Variants in RPS29 observed in about 807,000 individuals in gnomAD.
RPS29 encodes small ribosomal subunit protein uS14.
For missense variants in RPS29, 60 were observed against 75.7 expected, an observed-to-expected ratio of 0.79 and a Z score of 0.77; for synonymous variants, 37 against 26.9, an observed-to-expected ratio of 1.37 and a Z score of -1.16.
downstream of RPS29, among the ~76,000 whole-genome samples, chr14:49,578,938 TAC>T (rs1881263260): frequency 3.9e-5 from 6 of 152,318 alleles, no homozygotes; most frequent in South Asian, 1.2e-3. Flanking sequence ...GAATCTCTCT[TAC>T]TAGCTATACA....
intron 1 of RPS29, 117 bp downstream of exon 1, chr14:49,586,168 C>T: frequency 7.2e-7 from 1 of 1,381,604 alleles, no homozygotes; most frequent in Non-Finnish European, 1.0e-6. Context: ...AATGGCGGCA[C>T]CAGCGACTCC....
exon 3 of RPS29, chr14:49,571,075 C>G (rs1377556209): frequency 6.6e-6 from 1 of 152,184 alleles, no homozygotes; most frequent in Non-Finnish European, 1.5e-5. Flanking sequence ...AGACTTCATT[C>G]TGTGCAGATG....
exon 3 of RPS29, chr14:49,574,442 G>A (rs377415135): frequency 2.6e-5 from 4 of 152,218 alleles, no homozygotes; most frequent in African/African-American, 4.8e-5. Flanking sequence ...GTCAGCTCCC[G>A]AATATGGACC....
downstream of RPS29, among the ~76,000 whole-genome samples, chr14:49,580,142 A>G (rs762449570): frequency 2.0e-5 from 3 of 152,132 alleles, no homozygotes; most frequent in Non-Finnish European, 4.4e-5. Flanking sequence ...AGGCCATCAC[A>G]CTGGACCAGA....
intron 1 of RPS29, among the ~76,000 whole-genome samples, chr14:49,591,509 A>G (rs1594577474): frequency 6.6e-6 from 1 of 151,120 alleles, no homozygotes; most frequent in African/African-American, 2.4e-5. Flanking sequence ...ACGGAGTTTC[A>G]CCATGTTGGC....
upstream of RPS29, among the ~76,000 whole-genome samples, chr14:49,588,121 G>A (rs1437475072): frequency 6.6e-6 from 1 of 152,102 alleles, no homozygotes; most frequent in Admixed American, 6.6e-5. Context: ...ACTTTCTTAG[G>A]CCTCTTCTAG....
exon 3 of RPS29, chr14:49,576,898 G>A (rs1881197000): frequency 6.6e-6 from 1 of 152,242 alleles, no homozygotes; most frequent in South Asian, 2.1e-4. Flanking sequence ...CCAGCCACAT[G>A]GAACTGTGAG....
intron 2 of RPS29, among the ~76,000 whole-genome samples, chr14:49,578,440 T>A (rs1007128032): frequency 5.9e-5 from 9 of 152,300 alleles, no homozygotes; most frequent in African/African-American, 2.2e-4. Context: ...CTGATTTTTT[T>A]CCCTGTGTAC....
chr14:49,577,906 C>G, intron 2 of RPS29: 2 of 1,335,930 alleles, frequency 1.5e-6, no homozygotes, highest in Non-Finnish European at 2.1e-6. Context: ...GATGCCCAAC[C>G]AAATTCAATA....
downstream of RPS29, among the ~76,000 whole-genome samples, chr14:49,578,766 G>A (rs945725961): frequency 7.9e-5 from 12 of 152,056 alleles, no homozygotes; most frequent in Admixed American, 6.6e-5. Context: ...TCACCATGTT[G>A]ACCAGGCTGG....
downstream of RPS29, among the ~76,000 whole-genome samples, chr14:49,580,548 A>G (rs1316746230): frequency 6.6e-6 from 1 of 152,224 alleles, no homozygotes; most frequent in Non-Finnish European, 1.5e-5. Context: ...TAAGGCAAGT[A>G]TACTAGGAAT....
rs889027194 is a variant in RPS29 at position 49,598,398 on chromosome 14, A to G, written c.-133+2T>C. 4 of 685,674 alleles carry G rather than the reference A, an allele frequency of 5.8e-6. No individual in the cohort carries two copies. Among genetic ancestry groups the G allele is most frequent in the Non-Finnish European group, 1.1e-5 (4 of 376,158 alleles). The allele number at this position is 685,674 out of a possible 1,614,324, so 42.5% of individuals were successfully genotyped here. A position where few individuals can be genotyped will look rare whatever the true frequency, so the allele number is the denominator to read the frequency against. On this transcript the variant is annotated splice_donor_variant, in intron 1 of 3. Transcript: ENST00000556230. LOFTEE classifies it low-confidence loss of function (5UTR_SPLICE). ...TAAGCCAGTCACACTCCATCCACCT[A>G]CCCGCCATGAAAAATTATTTGTTCA... is the stretch of plus-strand genomic sequence containing the variant.
intron 2 of RPS29, among the ~76,000 whole-genome samples, chr14:49,584,888 A>C (rs903072300): frequency 6.6e-6 from 1 of 151,680 alleles, no homozygotes; most frequent in African/African-American, 2.4e-5. Flanking sequence ...AAAAAAAAAA[A>C]CCCAAACTAC....
At position 49,585,935 on chromosome 14, in the gene RPS29, C is replaced by T; in HGVS notation, c.162+15G>A. On this transcript the variant is annotated intron_variant, in intron 2 of 2. Transcript: ENST00000245458. Reference sequence around the variant, plus strand: ...CTCTGCCCAAACAACATGGAGTACGCCTGCAGACGCCTACCTTAATGAAAC... The same window carrying T: ...CTCTGCCCAAACAACATGGAGTACGTCTGCAGACGCCTACCTTAATGAAAC... The T allele has an allele frequency of 6.2e-7, 1 of 1,600,748 alleles. No individual in the cohort carries two copies. The highest frequency in any genetic ancestry group is 8.6e-7 in the Non-Finnish European group (1 of 1,168,432).
chr14:49,589,403 A>G (rs1255935731), upstream of RPS29, among the ~76,000 whole-genome samples: 1 of 152,252 alleles, frequency 6.6e-6, no homozygotes, highest in Non-Finnish European at 1.5e-5. Flanking sequence ...AGATCGAAGC[A>G]TTCTAACACT....
intron 2 of RPS29, among the ~76,000 whole-genome samples, chr14:49,584,274 G>C (rs964522046): frequency 1.3e-5 from 2 of 152,222 alleles, no homozygotes; most frequent in East Asian, 1.9e-4. Context: ...ACCTCGCCTG[G>C]CCCAGTTCAT....
intron 1 of RPS29, among the ~76,000 whole-genome samples, chr14:49,592,631 G>A (rs924972371): frequency 6.6e-6 from 1 of 151,540 alleles, no homozygotes; most frequent in Non-Finnish European, 1.5e-5. Context: ...TTAACTTGCC[G>A]GGCGCAGTGG....
chr14:49,588,825 G>A (rs940653704), upstream of RPS29, among the ~76,000 whole-genome samples: 5 of 149,822 alleles, frequency 3.3e-5, no homozygotes, highest in East Asian at 2.0e-4. Context: ...CACCACGCCC[G>A]GCCTAAGAGC....
chr14:49,577,885 GA>G, intron 2 of RPS29: 1 of 1,543,448 alleles, frequency 6.5e-7, no homozygotes, highest in South Asian at 1.2e-5. Context: ...CATAAAAAGT[GA>G]AAAAGCAATG....
Sources: gnomAD v4.1 joint callset for allele counts (sites outside exome capture counted in the v4.1 genomes callset) on GRCh38, gnomAD v4.1.1 for gene constraint, MANE v1.5 for transcripts, NCBI Gene and HGNC (gene_info 2026-07-23, HGNC 2026-07-21) for gene names.